The following CEP97 variants were observed in gnomAD, a reference collection of about 807,000 sequenced individuals.
The protein encoded by CEP97 is centrosomal protein of 97 kDa.
A neutral mutation model predicts 73.1 loss-of-function variants in CEP97; 43 were observed. The ratio of observed to expected loss-of-function variants is 0.59; its 90% confidence interval spans 0.46 to 0.76. CEP97 has a LOEUF of 0.76. Among genes scored for constraint, CEP97 ranks in the 30% least tolerant of loss-of-function variants. The pLI, the probability that CEP97 is intolerant of heterozygous loss-of-function variation, is 0.00. For synonymous variants in CEP97, 337 were observed against 370.0 expected (o/e 0.91, Z 1.02); for missense variants, 939 against 1,014.0 (o/e 0.93, Z 1.00).
Position 101,770,412 on chromosome 3 carries a change from G to T in CEP97, c.*4861G>T, listed in dbSNP as rs1234923985. 6.6e-6 allele frequency: 1 copy of T among 152,162 alleles called. No individual in the cohort carries two copies. Among genetic ancestry groups the T allele is most frequent in the Non-Finnish European group, 1.5e-5 (1 of 68,016 alleles). 9.4% of individuals were successfully genotyped at this position (152,162 alleles called of 1,614,324 possible). ...TTTAAAAATAATTTGATTTTGGACTGTATTTAGATTTCTCTTTAATTTTGC... is the reference window on the plus strand; with the variant it reads ...TTTAAAAATAATTTGATTTTGGACTTTATTTAGATTTCTCTTTAATTTTGC... On this transcript the variant is annotated 3_prime_UTR_variant, in exon 11 of 11. Transcript: ENST00000341893.
At chr3:101,724,839 G>C in intron 1 of CEP97, 120 bp downstream of exon 1, 1 of 1,063,628 alleles carries the variant, frequency 9.4e-7, no homozygotes. Flanking sequence ...ATGCGGATCT[G>C]TGGTCGTCGC....
At position 101,764,977 on chromosome 3, in the gene CEP97, CT is replaced by C; in HGVS notation, c.2026del (p.Cys676ValfsTer13). 1 of 1,614,148 alleles carries C rather than the reference CT, an allele frequency of 6.2e-7. No individual in the cohort carries two copies. The highest frequency in any genetic ancestry group is 2.2e-5 in the East Asian group (1 of 44,872). Reference protein sequence around the residue: ...HPLFTQSQESSCDQNADWFIA... With the variant: ...HPLFTQSQESXCDQNADWFIA... ...TTATTTACCCAAAGCCAGGAGTCCT[CT>C]TGTGATCAAAATGCTGATTGGTTTA... On this transcript the variant is annotated frameshift_variant, in exon 11 of 11. Transcript: ENST00000341893. LOFTEE classifies it low-confidence loss of function (END_TRUNC).
At chr3:101,763,303 T>C (rs1939218539) in intron 10 of CEP97, 1 of 850,324 alleles carries the variant, frequency 1.2e-6, no homozygotes, top group Non-Finnish European at 1.5e-6. Flanking sequence ...GGTTAAATTA[T>C]AGAATAATAA....
chr3:101,726,827 C>A, intron 2 of CEP97, 91 bp downstream of exon 2: 1 of 918,040 alleles, frequency 1.1e-6, no homozygotes, highest in Non-Finnish European at 1.6e-6. Flanking sequence ...AACTGTGCAG[C>A]CCTAGCAAGC....
chr3:101,747,513 C>G (rs1447029687), intron 6 of CEP97, among the ~76,000 whole-genome samples: 1 of 151,650 alleles, frequency 6.6e-6, no homozygotes, highest in Non-Finnish European at 1.5e-5. Flanking sequence ...CCCACCTCAG[C>G]CTCCCAAAGT....
chr3:101,758,482 T>C (rs747197692), intron 9 of CEP97, 59 bp downstream of exon 9: 4 of 1,579,924 alleles, frequency 2.5e-6, no homozygotes, highest in East Asian at 2.2e-5. Context: ...TAGATTCTTA[T>C]AGTTGATTCA....
intron 6 of CEP97, among the ~76,000 whole-genome samples, chr3:101,735,904 A>G (rs1412838108): frequency 6.6e-6 from 1 of 152,212 alleles, no homozygotes; most frequent in Non-Finnish European, 1.5e-5. Flanking sequence ...TCTAGCGCAG[A>G]GGATCCCAGC....
chr3:101,742,288 A>G (rs1455899459), intron 6 of CEP97, among the ~76,000 whole-genome samples: 9 of 152,196 alleles, frequency 5.9e-5, no homozygotes. Flanking sequence ...ATGCACATGT[A>G]TGTTTATTGT....
intron 6 of CEP97, among the ~76,000 whole-genome samples, chr3:101,734,595 T>G (rs1181014934): frequency 6.6e-6 from 1 of 152,180 alleles, no homozygotes; most frequent in African/African-American, 2.4e-5. Context: ...AAGAGCTAGA[T>G]AGTGGTGGTG....
intron 6 of CEP97, among the ~76,000 whole-genome samples, chr3:101,736,657 C>T (rs1008396530): frequency 6.6e-6 from 1 of 152,174 alleles, no homozygotes; most frequent in East Asian, 1.9e-4. Context: ...TCAACATCAA[C>T]AAAAAGGACA....
chr3:101,751,561 G>A (rs1283557379), intron 6 of CEP97, among the ~76,000 whole-genome samples: 2 of 152,116 alleles, frequency 1.3e-5, no homozygotes, highest in Admixed American at 6.6e-5. Flanking sequence ...TCTCTTTGTA[G>A]GTCACTAAAG....
Position 101,765,387 on chromosome 3 carries a change from T to C in CEP97, c.2434T>C (p.Leu812=), listed in dbSNP as rs1407424922. The change falls in exon 11 of 11, where the codon TTG becomes CTG. Residue 812 remains leucine, a synonymous_variant. Coordinates refer to ENST00000341893, the MANE Select transcript of CEP97 (RefSeq NM_024548.4). ...IACFPVQLDT[L]SDGASVDESH... The stretch of plus-strand genomic sequence containing the variant: ...TTGTTTCCCAGTACAGTTAGATACA[T>C]TGTCTGACGGTGCTTCTGTAGATGA... The C allele has an allele frequency of 6.2e-7, 1 of 1,614,062 alleles. No homozygotes were observed. Among genetic ancestry groups the C allele is most frequent in the African/African-American group, 1.3e-5 (1 of 74,938 alleles).
chr3:101,725,877 GT>G (rs55666231), intron 1 of CEP97, among the ~76,000 whole-genome samples: 11 of 139,580 alleles, frequency 7.9e-5, no homozygotes, highest in East Asian at 4.2e-4. Context: ...TTTTTTTTTT[GT>G]TTTTTTTTTT....
intron 10 of CEP97, among the ~76,000 whole-genome samples, 156 bp from the exon 11 acceptor site, chr3:101,764,691 G>C (rs984400021): frequency 1.3e-5 from 2 of 151,922 alleles, no homozygotes; most frequent in African/African-American, 4.8e-5. Flanking sequence ...GGTGGGGTGG[G>C]AGGATCACTT....
In CEP97 at chr3:101,732,475, T is replaced by C. The variant is rs1468643642; in HGVS notation, c.562-13T>C. The C allele has an allele frequency of 1.9e-6, 3 of 1,587,890 alleles. No individual in the cohort carries two copies. The South Asian group carries it at 3.4e-5, about 18-fold the overall frequency. The stretch of plus-strand genomic sequence containing the variant: ...ATAGTCCTTTTGTTCAACAAAGATA[T>C]CTTTTGTTCCAGATCTCTTTTTTGG... On this transcript the variant is annotated splice_polypyrimidine_tract_variant and intron_variant, in intron 5 of 10. Transcript: ENST00000341893.
At chr3:101,740,844 C>T (rs1938427923) in intron 6 of CEP97, among the ~76,000 whole-genome samples, 1 of 152,222 alleles carries the variant, frequency 6.6e-6, no homozygotes, top group Admixed American at 6.5e-5. Flanking sequence ...CCGCCTCGGC[C>T]TCCCAAAGTG....
chr3:101,725,307 G>C (rs2108362954), intron 1 of CEP97, among the ~76,000 whole-genome samples: 1 of 152,268 alleles, frequency 6.6e-6, no homozygotes, highest in Non-Finnish European at 1.5e-5. Context: ...GGACTGTGTG[G>C]GTGCTTCTGT....
chr3:101,725,093 C>T, intron 1 of CEP97, among the ~76,000 whole-genome samples: 1 of 152,240 alleles, frequency 6.6e-6, no homozygotes, highest in East Asian at 1.9e-4. Flanking sequence ...TCGCTTCACA[C>T]ATCTCCCTCT....
At chr3:101,732,099 C>G (rs1938132381) in intron 5 of CEP97, 146 bp downstream of exon 5, 1 of 619,330 alleles carries the variant, frequency 1.6e-6, no homozygotes, top group Non-Finnish European at 2.9e-6. Context: ...GATCTTTCCA[C>G]TTTTCCTTAG....
Sources: gnomAD v4.1 joint callset for allele counts (sites outside exome capture counted in the v4.1 genomes callset) on GRCh38, gnomAD v4.1.1 for gene constraint, MANE v1.5 for transcripts, NCBI Gene and HGNC (gene_info 2026-07-23, HGNC 2026-07-21) for gene names.